Variants in SI observed in about 807,000 individuals in gnomAD.
SI encodes sucrase-isomaltase, also known as sucrase-isomaltase, intestinal.
In SI, 235 loss-of-function variants were observed where a neutral mutation model predicts 253.3. The observed-to-expected ratio is 0.93, with a 90% CI of 0.83 to 1.03. The LOEUF (loss-of-function observed/expected upper bound fraction) is 1.03. SI is among the 50% of genes least tolerant of loss of function. The pLI, the probability that SI is intolerant of heterozygous loss-of-function variation, is 0.00. For synonymous variants in SI, 819 were observed against 712.0 expected, an observed-to-expected ratio of 1.15 and a Z score of -2.39; for missense variants, 2,442 against 2,211.1, an observed-to-expected ratio of 1.10 and a Z score of -2.09.
rs556583179 is a variant in SI, at chr3:165,059,076, C to T, written c.1285G>A (p.Ala429Thr). 2.8e-5 allele frequency: 45 copies of T among 1,612,246 alleles called. No homozygotes were observed. In the African/African-American group the frequency reaches 3.5e-4, roughly 12 times the overall value. ...TTGGCACGTCGACCTATGGAAATTG[C>T]AGGGTCCTAATAATAGAAAGCAGAA... is the stretch of plus-strand genomic sequence containing the variant. ...GQKYVIILDP[A>T]ISIGRRANGT... The change falls in exon 12 of 48, where the codon GCA becomes ACA. Residue 429 changes from alanine to threonine, a missense_variant. Physicochemically the swap from Ala to Thr is moderately conservative, Grantham distance 58. Transcript: ENST00000264382.
rs767701775 is a variant in SI at position 164,996,597 on chromosome 3, G to C, written c.4630C>G (p.Arg1544Gly). The change falls in exon 40 of 48, where the codon CGC (arginine) becomes GGC (glycine). Residue 1544 changes from arginine to glycine, a missense_variant. Coordinates refer to ENST00000264382, the MANE Select transcript of SI (RefSeq NM_001041.4). ...FNNSEYHLCT[R>G]WMQLGAFYPY... is the part of the protein sequence containing the mutation. ...TAAAATGCTCCAAGTTGCATCCAGC[G>C]GGTACAGAGATGATATTCTGAGTTG... 4 of 1,609,978 alleles carry C rather than the reference G, an allele frequency of 2.5e-6. No homozygotes were observed. Among genetic ancestry groups the C allele is most frequent in the Non-Finnish European group, 3.4e-6 (4 of 1,176,956 alleles).
intron 15 of SI, 28 bp from the exon 16 acceptor site, chr3:165,047,040 C>A: frequency 6.8e-7 from 1 of 1,466,698 alleles, no homozygotes; most frequent in Non-Finnish European, 9.4e-7. Context: ...TTAACAAATA[C>A]AATTTATTTT....
chr3:164,997,445 T>C (rs1718062078), intron 38 of SI, among the ~76,000 whole-genome samples: 1 of 151,472 alleles, frequency 6.6e-6, no homozygotes, highest in African/African-American at 2.4e-5. Context: ...AATGTTTCTT[T>C]TTTTTTTTTA....
rs1272011582 is a variant in SI at position 165,068,828 on chromosome 3, A to C, written c.377T>G (p.Val126Gly). 1 of 1,562,930 alleles carries C rather than the reference A, an allele frequency of 6.4e-7. No homozygotes were observed. The highest frequency in any genetic ancestry group is 1.8e-5 in the Admixed American group (1 of 54,404). The change falls in exon 5 of 48, where the codon GTT becomes GGT. Residue 126 changes from valine (V) to glycine (G), a missense_variant. Transcript: ENST00000264382. Reference protein sequence around the residue: ...VQDMTTTSIGVEAKLNRIPSP... With the variant: ...VQDMTTTSIGGEAKLNRIPSP... ...AGGTATCCTGTTTAATTTGGCTTCA[A>C]CTCCTTAAAGAATAAAAAAAAGCTG...
chr3:165,054,805 T>C (rs1431905213), intron 13 of SI, among the ~76,000 whole-genome samples: 1 of 152,192 alleles, frequency 6.6e-6, no homozygotes, highest in African/African-American at 2.4e-5. Flanking sequence ...CTTATTCAGA[T>C]CATATTGCTG....
rs1469508937 is a variant in SI at position 164,982,920 on chromosome 3, G to A, written c.5247+82C>T. On this transcript the variant is annotated intron_variant, in intron 46 of 47. Coordinates refer to ENST00000264382, the MANE Select transcript of SI (RefSeq NM_001041.4). ...CCCATGTCAGCCTCCCAATGAACTA[G>A]GATTACAGGCATGAGCCACCCCACC... 3 of 1,340,896 alleles carry A rather than the reference G, an allele frequency of 2.2e-6. No individual in the cohort carries two copies. The African/African-American group carries it at 4.3e-5, about 19-fold the overall frequency. 83.1% of individuals were successfully genotyped at this position (1,340,896 alleles called of 1,614,324 possible).
chr3:165,022,842 C>T (rs1032586630), intron 26 of SI, among the ~76,000 whole-genome samples: 12 of 151,552 alleles, frequency 7.9e-5, no homozygotes, highest in African/African-American at 1.7e-4. Context: ...TTAAAAGCAG[C>T]GACTGAGCTA....
At chr3:165,046,292 T>C (rs942973999) in intron 16 of SI, among the ~76,000 whole-genome samples, 1 of 152,128 alleles carries the variant, frequency 6.6e-6, no homozygotes, top group Non-Finnish European at 1.5e-5. Flanking sequence ...TCTTTAGTCT[T>C]GAATATCAAT....
At chr3:165,088,152 C>T in the SI span, among the ~76,000 whole-genome samples, 4 of 151,594 alleles carry the variant, frequency 2.6e-5, no homozygotes, top group East Asian at 2.0e-4. Flanking sequence ...TCAAGACCCC[C>T]CTGGAGAACA....
Position 164,979,466 on chromosome 3 carries a change from C to CA in SI, c.5416-37dup, listed in dbSNP as rs771620848. On this transcript the variant is annotated intron_variant, in intron 47 of 47. Transcript: ENST00000264382. ...AAAATAATAATTAGTTGTTTAATCACAACCACATTTTTCTTATTTTCATGA... is the reference window on the plus strand; with the variant it reads ...AAAATAATAATTAGTTGTTTAATCACAAACCACATTTTTCTTATTTTCATGA... The CA allele has an allele frequency of 4.2e-5, 48 of 1,151,856 alleles. 1 individual carries two copies. In the African/African-American group the frequency reaches 5.0e-4, roughly 12 times the overall value. 71.4% of individuals were successfully genotyped at this position (1,151,856 alleles called of 1,614,324 possible). A position where few individuals can be genotyped will look rare whatever the true frequency, so the allele number is the denominator to read the frequency against.
intron 28 of SI, among the ~76,000 whole-genome samples, chr3:165,018,720 A>G (rs1719162226): frequency 6.6e-6 from 1 of 151,468 alleles, no homozygotes; most frequent in African/African-American, 2.4e-5. Context: ...TAGTGGAAGT[A>G]ATTTTAGATA....
At position 165,022,518 on chromosome 3, in the gene SI, T is replaced by C. The variant is rs181613969; in HGVS notation, c.3099+1052A>G. 2.8e-5 allele frequency among the ~76,000 whole-genome samples: 4 copies of C among 144,518 alleles called. No homozygotes were observed. The East Asian group carries it at 8.3e-4, about 30-fold the overall frequency. The allele number at this position is 144,518 out of a possible 152,430, so 94.8% of individuals were successfully genotyped here. ...CCTTTCTTCACACACACACATCTTC[T>C]ATGCTTTTGTGCCATCTCACACACA... On this transcript the variant is annotated intron_variant, in intron 26 of 47. Transcript: ENST00000264382.
chr3:165,059,448 TG>T, intron 10 of SI, 149 bp from the exon 11 acceptor site: 4 of 776,288 alleles, frequency 5.2e-6, no homozygotes, highest in Non-Finnish European at 8.4e-6. Context: ...AAGAAGCAAT[TG>T]TACTGTTTGT....
chr3:164,986,670 T>C (rs1424553533), intron 45 of SI, among the ~76,000 whole-genome samples: 6 of 152,316 alleles, frequency 3.9e-5, no homozygotes, highest in African/African-American at 1.2e-4. Context: ...GTTATGCTTT[T>C]CTCATGTTAA....
chr3:165,021,562 A>T (rs1226514923), intron 26 of SI, among the ~76,000 whole-genome samples, 179 bp from the exon 27 acceptor site: 1 of 151,640 alleles, frequency 6.6e-6, no homozygotes, highest in Non-Finnish European at 1.5e-5. Flanking sequence ...ATACACATTT[A>T]TAATGGGTCC....
chr3:164,992,584 T>C (rs1315220037), intron 41 of SI, among the ~76,000 whole-genome samples, 187 bp from the exon 42 acceptor site: 2 of 151,888 alleles, frequency 1.3e-5, no homozygotes, highest in African/African-American at 4.8e-5. Context: ...GTATAATACT[T>C]TATGAGTAAA....
the SI span, among the ~76,000 whole-genome samples, chr3:165,086,734 A>G: frequency 2.0e-5 from 3 of 152,214 alleles, no homozygotes; most frequent in Admixed American, 2.0e-4. Context: ...AAAGAGTTAC[A>G]GGATATTAGC....
chr3:164,991,598 CATTT>C, intron 43 of SI, 121 bp from the exon 44 acceptor site: 2 of 1,035,580 alleles, frequency 1.9e-6, no homozygotes, highest in Non-Finnish European at 2.9e-6. Flanking sequence ...AAAAAATTCA[CATTT>C]ATTCAGAAAA....
At chr3:165,003,989 C>A (rs373542319) in intron 37 of SI, among the ~76,000 whole-genome samples, 7 of 151,852 alleles carry the variant, frequency 4.6e-5, no homozygotes, top group African/African-American at 1.7e-4. Flanking sequence ...ACACTCCAAT[C>A]AAAAGACGCA....
Sources: allele counts gnomAD v4.1 joint callset (sites outside exome capture counted in the v4.1 genomes callset), GRCh38; gene constraint gnomAD v4.1.1; transcripts MANE v1.5; gene names NCBI Gene and HGNC (gene_info 2026-07-23, HGNC 2026-07-21).